PLAC1: variants seen among roughly 807,000 people sequenced by gnomAD.
PLAC1 encodes the protein placenta associated 1.
For missense variants in PLAC1, 136 were observed against 163.2 expected (o/e 0.83, Z 0.91); for synonymous variants, 68 against 62.1 (o/e 1.09, Z -0.44).
chrX:134,697,786 T>A (rs1475489080), intron 2 of PLAC1, among the ~76,000 whole-genome samples: 1 of 111,851 alleles, frequency 8.9e-6, no homozygotes, highest in Non-Finnish European at 1.9e-5. Context: ...GAGAATTGCT[T>A]GAACCGGGGC....
intron 2 of PLAC1, among the ~76,000 whole-genome samples, chrX:134,676,615 C>A (rs1211656866): frequency 8.9e-6 from 1 of 112,370 alleles, no homozygotes; most frequent in African/African-American, 3.2e-5. Context: ...AGGCAGCATA[C>A]TCCCCGGCCC....
intron 2 of PLAC1, among the ~76,000 whole-genome samples, chrX:134,577,452 G>A (rs1200558694): frequency 1.8e-5 from 2 of 111,497 alleles, no homozygotes; most frequent in Non-Finnish European, 3.8e-5. Flanking sequence ...ACTTTGGGAG[G>A]CCAAGGCGGG....
chrX:134,704,977 A>G (rs1221518466), intron 2 of PLAC1, among the ~76,000 whole-genome samples: 1 of 97,273 alleles, frequency 1.0e-5, no homozygotes, highest in Non-Finnish European at 2.0e-5. Context: ...TGGGCAACAA[A>G]GCGAGACTCC....
intron 1 of PLAC1, among the ~76,000 whole-genome samples, chrX:134,619,076 G>A (rs889343890): frequency 8.9e-6 from 1 of 112,077 alleles, no homozygotes. Flanking sequence ...ACCAGACCAT[G>A]CAATTGACAG....
At chrX:134,708,173 A>G in intron 2 of PLAC1, among the ~76,000 whole-genome samples, 1 of 112,158 alleles carries the variant, frequency 8.9e-6, no homozygotes. Flanking sequence ...CATACCAGGA[A>G]AGAAGAGAAC....
At chrX:134,627,445 T>C (rs973157654) in intron 1 of PLAC1, among the ~76,000 whole-genome samples, 4 of 112,504 alleles carry the variant, frequency 3.6e-5, no homozygotes, top group Non-Finnish European at 5.6e-5. Context: ...CTGATTGGAA[T>C]TGATCTTATA....
chrX:134,655,516 T>A (rs1001129322), intron 1 of PLAC1, among the ~76,000 whole-genome samples: 1 of 112,196 alleles, frequency 8.9e-6, no homozygotes, highest in South Asian at 3.7e-4. Context: ...TAATTTCCAA[T>A]CCATATTCAA....
upstream of PLAC1, among the ~76,000 whole-genome samples, chrX:134,660,021 A>G (rs1234067924): frequency 8.9e-6 from 1 of 112,279 alleles, no homozygotes; most frequent in African/African-American, 3.2e-5. Flanking sequence ...AGTGCAACCA[A>G]TGGAAGAATT....
At chrX:134,755,566 C>T (rs2078754603) in intron 1 of PLAC1, among the ~76,000 whole-genome samples, 1 of 111,510 alleles carries the variant, frequency 9.0e-6, no homozygotes, top group South Asian at 3.7e-4. Flanking sequence ...CATTGCTCCT[C>T]CTCTCCAAAT....
chrX:134,642,650 G>A (rs1031967222), intron 1 of PLAC1, among the ~76,000 whole-genome samples: 1 of 111,350 alleles, frequency 9.0e-6, no homozygotes, highest in African/African-American at 3.3e-5. Context: ...ACTGAAGAAT[G>A]AGTAGGAGTC....
rs1158553685 is a variant in PLAC1 at position 134,680,588 on chromosome X, CT to C, written n.174+52846del. ...CTAAACTAAACTAAACTAAACTAAA[CT>C]AAACTAAACTAAACTAAACACCTTC... On this transcript the variant is annotated intron_variant and non_coding_transcript_variant, in intron 2 of 2. Transcript: ENST00000466797. Among the ~76,000 whole-genome samples the C allele has an allele frequency of 4.6e-4, 49 of 106,018 alleles. No individual in the cohort carries two copies. The East Asian group carries it at 5.8e-3, about 13-fold the overall frequency. 92.1% of individuals were successfully genotyped at this position (106,018 alleles called of 115,157 possible).
intron 2 of PLAC1, among the ~76,000 whole-genome samples, chrX:134,677,839 C>T (rs182176779): frequency 4.9e-4 from 55 of 111,462 alleles, no homozygotes; most frequent in African/African-American, 1.6e-3. Context: ...AGCAGGGAGA[C>T]CAGTTGGGAG....
intron 2 of PLAC1, among the ~76,000 whole-genome samples, chrX:134,582,820 GAAGA>G (rs948383460): frequency 8.9e-6 from 1 of 111,836 alleles, no homozygotes; most frequent in Admixed American, 9.5e-5. Flanking sequence ...AAAAAGGTGA[GAAGA>G]AAGTCTAGGG....
chrX:134,650,545 T>C (rs929988505), intron 1 of PLAC1, among the ~76,000 whole-genome samples: 1 of 111,331 alleles, frequency 9.0e-6, no homozygotes, highest in East Asian at 2.8e-4. Flanking sequence ...GGCCAAATTA[T>C]AGGCAGAACA....
chrX:134,729,933 AG>A (rs1239747813), intron 2 of PLAC1, among the ~76,000 whole-genome samples: 1 of 110,812 alleles, frequency 9.0e-6, no homozygotes, highest in Non-Finnish European at 1.9e-5. Flanking sequence ...CTGGGATTAC[AG>A]GTGTGCACCA....
At chrX:134,664,402 G>A (rs1259377216) in intron 2 of PLAC1, among the ~76,000 whole-genome samples, 1 of 112,042 alleles carries the variant, frequency 8.9e-6, no homozygotes, top group Non-Finnish European at 1.9e-5. Flanking sequence ...GACAGCTTGT[G>A]GTCATCTAAG....
intron 1 of PLAC1, among the ~76,000 whole-genome samples, chrX:134,748,942 G>T (rs1231355785): frequency 8.9e-6 from 1 of 112,320 alleles, no homozygotes; most frequent in Non-Finnish European, 1.9e-5. Flanking sequence ...AATGTTAGAA[G>T]AAGAGTTCTA....
intron 1 of PLAC1, among the ~76,000 whole-genome samples, chrX:134,649,691 C>T (rs1326207283): frequency 1.8e-5 from 2 of 112,152 alleles, no homozygotes; most frequent in African/African-American, 6.5e-5. Context: ...CTTTATACTC[C>T]GTGGGAGAGA....
intron 2 of PLAC1, among the ~76,000 whole-genome samples, chrX:134,585,171 A>G (rs1462930891): frequency 3.9e-5 from 3 of 77,326 alleles, no homozygotes; most frequent in African/African-American, 1.4e-4. Context: ...CTCCACTAAA[A>G]GTACAAAAAA....
Sources: allele counts gnomAD v4.1 joint callset (sites outside exome capture counted in the v4.1 genomes callset), GRCh38; gene constraint gnomAD v4.1.1; transcripts MANE v1.5; gene names NCBI Gene and HGNC (gene_info 2026-07-23, HGNC 2026-07-21).